ZFHX3: variants seen among roughly 807,000 people sequenced by gnomAD.
The protein encoded by ZFHX3 is zinc finger homeobox protein 3.
A neutral mutation model predicts 279.1 loss-of-function variants in ZFHX3; 42 were observed. The ratio of observed to expected loss-of-function variants is 0.15; its 90% CI spans 0.12 to 0.19. The LOEUF (loss-of-function observed/expected upper bound fraction) is 0.19. Among genes scored for constraint, ZFHX3 ranks in the 10% least tolerant of loss-of-function variants. ZFHX3 has a pLI of 1.00. For synonymous variants in ZFHX3, 2,293 were observed against 1,957.8 expected (o/e 1.17, Z -4.52); for missense variants, 4,981 against 4,754.0 (o/e 1.05, Z -1.40).
intron 1 of ZFHX3, among the ~76,000 whole-genome samples, chr16:73,874,897 G>A (rs1007781460): frequency 3.3e-5 from 5 of 152,152 alleles, no homozygotes; most frequent in Non-Finnish European, 5.9e-5. Flanking sequence ...GTCTGCAATA[G>A]CAATGGCATA....
At chr16:73,440,765 C>T (rs1011591522) in intron 3 of ZFHX3, among the ~76,000 whole-genome samples, 3 of 152,320 alleles carry the variant, frequency 2.0e-5, no homozygotes, top group East Asian at 3.9e-4. Context: ...ATCCATCAGT[C>T]TCTCAAAATC....
At chr16:73,577,048 G>A (rs1440702741) in intron 2 of ZFHX3, among the ~76,000 whole-genome samples, 1 of 152,080 alleles carries the variant, frequency 6.6e-6, no homozygotes, top group African/African-American at 2.4e-5. Context: ...AGGGGAGGAG[G>A]GTGTAGGAGC....
intron 2 of ZFHX3, among the ~76,000 whole-genome samples, chr16:73,528,995 G>A (rs1219887744): frequency 6.6e-6 from 1 of 152,142 alleles, no homozygotes; most frequent in African/African-American, 2.4e-5. Flanking sequence ...AATAAGCTAG[G>A]GGTTTCCTTG....
intron 3 of ZFHX3, among the ~76,000 whole-genome samples, chr16:72,923,437 C>T (rs1423331767): frequency 2.7e-5 from 4 of 146,938 alleles, no homozygotes; most frequent in Non-Finnish European, 4.5e-5. Context: ...AGAGTGAGAC[C>T]TGTCTCAGAC....
chr16:72,828,777 A>G (rs1331130844), intron 5 of ZFHX3, among the ~76,000 whole-genome samples: 1 of 151,916 alleles, frequency 6.6e-6, no homozygotes, highest in East Asian at 1.9e-4. Context: ...ATCTTAGCTC[A>G]CTGCAGCTTC....
chr16:73,746,122 G>C (rs1275536451), intron 1 of ZFHX3, among the ~76,000 whole-genome samples: 1 of 152,000 alleles, frequency 6.6e-6, no homozygotes, highest in Non-Finnish European at 1.5e-5. Context: ...GAATGGGTGG[G>C]AAGAGAGACA....
At chr16:72,882,982 GTGT>G (rs2038526000) in intron 4 of ZFHX3, among the ~76,000 whole-genome samples, 2 of 20,802 alleles carry the variant, frequency 9.6e-5, no homozygotes, top group Non-Finnish European at 2.4e-4. Context: ...TCTGGGGTGT[GTGT>G]GTGTGTGTGT....
chr16:73,486,668 G>A (rs901071694), intron 2 of ZFHX3: 2 of 399,996 alleles, frequency 5.0e-6, no homozygotes, highest in African/African-American at 4.2e-5. Context: ...GATTAGAGGT[G>A]TGATGCAGTT....
chr16:72,901,968 G>C (rs192361073), intron 3 of ZFHX3, among the ~76,000 whole-genome samples: 1 of 152,254 alleles, frequency 6.6e-6, no homozygotes, highest in Admixed American at 6.5e-5. Flanking sequence ...TCAAGATGGA[G>C]AGCTCAGCAT....
intron 5 of ZFHX3, among the ~76,000 whole-genome samples, chr16:73,209,932 GTCC>G (rs2011949190): frequency 6.6e-6 from 1 of 152,120 alleles, no homozygotes; most frequent in African/African-American, 2.4e-5. Context: ...AGGGTCATGG[GTCC>G]CCAAAAAGCT....
At chr16:73,147,995 T>C (rs1475385885) in intron 5 of ZFHX3, among the ~76,000 whole-genome samples, 3 of 152,258 alleles carry the variant, frequency 2.0e-5, no homozygotes, top group Non-Finnish European at 4.4e-5. Context: ...TTAGAAAGTT[T>C]AGGCAAACTC....
intron 1 of ZFHX3, among the ~76,000 whole-genome samples, chr16:73,711,817 G>A (rs1185134071): frequency 6.6e-6 from 1 of 152,232 alleles, no homozygotes; most frequent in Non-Finnish European, 1.5e-5. Flanking sequence ...TACCTTCCAA[G>A]TGTTGCCACA....
At chr16:73,159,485 A>C (rs1967174798) in intron 5 of ZFHX3, among the ~76,000 whole-genome samples, 6 of 152,116 alleles carry the variant, frequency 3.9e-5, no homozygotes, top group Admixed American at 3.9e-4. Flanking sequence ...CCCTGAGGCC[A>C]CCATGTGAAG....
intron 2 of ZFHX3, among the ~76,000 whole-genome samples, chr16:73,469,557 G>A (rs967550593): frequency 1.3e-5 from 2 of 152,008 alleles, no homozygotes; most frequent in African/African-American, 4.8e-5. Flanking sequence ...CAAAGCTGAT[G>A]CCCATTGAAA....
chr16:73,483,251 G>C, intron 2 of ZFHX3: 1 of 384,130 alleles, frequency 2.6e-6, no homozygotes, highest in South Asian at 1.9e-5. Flanking sequence ...GAGGTCCATC[G>C]GGCTGCCAGG....
At chr16:73,337,019 C>G (rs11641671) in intron 3 of ZFHX3, among the ~76,000 whole-genome samples, 51,544 of 152,042 alleles carry the variant, frequency 0.34, 10,785 homozygotes, top group Non-Finnish European at 0.47. Flanking sequence ...CTTCTTACCA[C>G]CACTACCTGC....
At chr16:73,413,621 T>C (rs1184572355) in intron 3 of ZFHX3, among the ~76,000 whole-genome samples, 2 of 152,120 alleles carry the variant, frequency 1.3e-5, no homozygotes, top group Non-Finnish European at 2.9e-5. Flanking sequence ...TTTGGGGAAA[T>C]CTCAAGAACT....
intron 4 of ZFHX3, among the ~76,000 whole-genome samples, chr16:72,882,616 G>A (rs1029728545): frequency 6.6e-6 from 1 of 152,160 alleles, no homozygotes; most frequent in Non-Finnish European, 1.5e-5. Context: ...TCCTGGTGAT[G>A]CCACACCTTC....
At chr16:73,753,746 T>C (rs1325685049) in intron 1 of ZFHX3, among the ~76,000 whole-genome samples, 3 of 152,104 alleles carry the variant, frequency 2.0e-5, no homozygotes, top group Non-Finnish European at 2.9e-5. Context: ...CTGCATCAAG[T>C]TCAATGCTAA....
Sources: allele counts gnomAD v4.1 joint callset (sites outside exome capture counted in the v4.1 genomes callset), GRCh38; gene constraint gnomAD v4.1.1; transcripts MANE v1.5; gene names NCBI Gene and HGNC (gene_info 2026-07-23, HGNC 2026-07-21).